Variants in ROBO1 observed in about 807,000 individuals in gnomAD.
ROBO1 encodes roundabout guidance receptor 1, also known as roundabout homolog 1.
In ROBO1, 149 loss-of-function variants were observed where a neutral mutation model predicts 195.9. The observed-to-expected ratio is 0.76, with a 90% CI of 0.67 to 0.87. The LOEUF (loss-of-function observed/expected upper bound fraction) is 0.87, where lower values mean the gene tolerates loss of function less well. Among genes scored for constraint, ROBO1 ranks in the 40% least tolerant of loss-of-function variants. The pLI is 0.00. For synonymous variants in ROBO1, 816 were observed against 733.2 expected, an observed-to-expected ratio of 1.11 and a Z score of -1.82; for missense variants, 1,933 against 2,068.3, an observed-to-expected ratio of 0.93 and a Z score of 1.27.
chr3:78,988,626 A>G (rs919217554), intron 3 of ROBO1, among the ~76,000 whole-genome samples: 1 of 152,178 alleles, frequency 6.6e-6, no homozygotes, highest in African/African-American at 2.4e-5. Context: ...GTTTTAAGCT[A>G]TATCCTTTGG....
chr3:79,092,308 G>C lies in ROBO1; in HGVS notation c.172+33148C>G, dbSNP rs779732397. ...GACGGAGGAACACTCAGAAGAACAG[G>C]CTAATTGAGAAACAGAAGTTCAGAA... On this transcript the variant is annotated intron_variant, in intron 3 of 30. Transcript: ENST00000464233. Among the ~76,000 whole-genome samples the C allele has an allele frequency of 1.9e-4, 29 of 152,046 alleles. 1 individual carries two copies. Among genetic ancestry groups the C allele is most frequent in the Admixed American group, 1.2e-3 (19 of 15,234 alleles).
chr3:78,803,425 T>C (rs1040156990), intron 4 of ROBO1, among the ~76,000 whole-genome samples: 1 of 152,082 alleles, frequency 6.6e-6, no homozygotes, highest in Non-Finnish European at 1.5e-5. Context: ...CAAGTTATAA[T>C]AGAGAACAAT....
At chr3:79,293,862 T>A (rs939499769) in intron 2 of ROBO1, among the ~76,000 whole-genome samples, 1 of 151,088 alleles carries the variant, frequency 6.6e-6, no homozygotes, top group Non-Finnish European at 1.5e-5. Flanking sequence ...ATCGAGACCA[T>A]CCTGGCTAAC....
At position 78,685,726 on chromosome 3, in the gene ROBO1, TA is replaced by T. The variant is rs1330539749; in HGVS notation, c.1342+19del. On this transcript the variant is annotated intron_variant, in intron 10 of 30. Transcript: ENST00000464233. The stretch of plus-strand genomic sequence containing the variant: ...TAAGTCAAACTTGGACATTTTGAAA[TA>T]AAATGTTTTACACTTTACCATCTGT... 3.9e-6 allele frequency: 6 copies of T among 1,545,926 alleles called. No individual in the cohort carries two copies. Among genetic ancestry groups the T allele is most frequent in the Non-Finnish European group, 5.3e-6 (6 of 1,133,056 alleles).
At chr3:79,651,769 C>G (rs1275859675) in intron 1 of ROBO1, among the ~76,000 whole-genome samples, 1 of 152,148 alleles carries the variant, frequency 6.6e-6, no homozygotes, top group Non-Finnish European at 1.5e-5. Flanking sequence ...AAGTATTATA[C>G]TTTCATTCCA....
intron 3 of ROBO1, among the ~76,000 whole-genome samples, chr3:78,947,125 G>T (rs1361410061): frequency 6.6e-6 from 1 of 151,604 alleles, no homozygotes; most frequent in Non-Finnish European, 1.5e-5. Context: ...AAGACAGAAA[G>T]TTAACAAGGA....
chr3:79,655,342 T>C (rs1946128345), intron 1 of ROBO1, among the ~76,000 whole-genome samples: 1 of 152,028 alleles, frequency 6.6e-6, no homozygotes, highest in South Asian at 2.1e-4. Context: ...GGCATACCAC[T>C]GTTAAGCACA....
At chr3:78,757,993 C>T (rs1199124773) in intron 4 of ROBO1, among the ~76,000 whole-genome samples, 1 of 152,106 alleles carries the variant, frequency 6.6e-6, no homozygotes, top group African/African-American at 2.4e-5. Context: ...AACAAGCATG[C>T]GATTGTGTAG....
intron 3 of ROBO1, among the ~76,000 whole-genome samples, chr3:79,073,012 A>G (rs2079114290): frequency 6.6e-6 from 1 of 151,984 alleles, no homozygotes; most frequent in African/African-American, 2.4e-5. Context: ...CTGACAACTG[A>G]TTAGATAATT....
At chr3:78,833,217 T>TG (rs1000072459) in intron 4 of ROBO1, among the ~76,000 whole-genome samples, 5 of 151,260 alleles carry the variant, frequency 3.3e-5, no homozygotes, top group Admixed American at 3.3e-4. Context: ...AAAATAAGGA[T>TG]GAAAAAAAAG....
chr3:78,985,230 G>C (rs2077079655), intron 3 of ROBO1, among the ~76,000 whole-genome samples: 1 of 152,074 alleles, frequency 6.6e-6, no homozygotes, highest in South Asian at 2.1e-4. Context: ...AGCCCAAAAA[G>C]TTGAGGCTGC....
intron 7 of ROBO1, among the ~76,000 whole-genome samples, chr3:78,716,935 A>G (rs2081916514): frequency 6.6e-6 from 1 of 152,146 alleles, no homozygotes; most frequent in South Asian, 2.1e-4. Flanking sequence ...TACATCCTTA[A>G]GGCTGTATCT....
intron 4 of ROBO1, among the ~76,000 whole-genome samples, chr3:78,923,147 C>G (rs1357699837): frequency 6.6e-6 from 1 of 152,124 alleles, no homozygotes; most frequent in African/African-American, 2.4e-5. Context: ...GAGATACTAT[C>G]AGGTCCTTAC....
chr3:79,709,607 A>G (rs6807487), intron 1 of ROBO1, among the ~76,000 whole-genome samples: 37,281 of 152,076 alleles, frequency 0.25, 4,727 homozygotes, highest in Admixed American at 0.29. Context: ...TCAATGGGTC[A>G]GACAACTACT....
rs61022107 is a variant in ROBO1, at chr3:79,680,669, A to G, written c.-51+87083T>C. Reference sequence around the variant, plus strand: ...GCAAAGATGATGACAGTCATATTTAACAAAGTTTACACTTTTTTTCCCAAG... The same window carrying G: ...GCAAAGATGATGACAGTCATATTTAGCAAAGTTTACACTTTTTTTCCCAAG... On this transcript the variant is annotated intron_variant, in intron 1 of 30. Coordinates refer to ENST00000464233, the MANE Select transcript of ROBO1 (RefSeq NM_002941.4). Among the ~76,000 whole-genome samples, 1,271 of 152,178 alleles carry G rather than the reference A, an allele frequency of 8.4e-3. 11 individuals carry two copies. The highest frequency in any genetic ancestry group is 0.029 in the African/African-American group (1,223 of 41,532).
intron 4 of ROBO1, among the ~76,000 whole-genome samples, chr3:78,890,303 AG>A (rs1428993945): frequency 3.3e-5 from 5 of 152,160 alleles, no homozygotes; most frequent in African/African-American, 1.2e-4. Context: ...ATGTGATGGT[AG>A]GTGGAAGTGA....
chr3:79,757,305 CTTAA>C (rs1339706195), intron 1 of ROBO1, among the ~76,000 whole-genome samples: 1 of 152,082 alleles, frequency 6.6e-6, no homozygotes, highest in Non-Finnish European at 1.5e-5. Context: ...TGTTTGAAGT[CTTAA>C]TTAATTCATT....
intron 3 of ROBO1, among the ~76,000 whole-genome samples, chr3:79,089,392 G>C (rs2079435070): frequency 6.6e-6 from 1 of 152,210 alleles, no homozygotes; most frequent in South Asian, 2.1e-4. Flanking sequence ...ATTTTTAATA[G>C]CCGACTAGTC....
intron 4 of ROBO1, among the ~76,000 whole-genome samples, chr3:78,773,778 T>C (rs1430162729): frequency 6.6e-6 from 1 of 152,192 alleles, no homozygotes; most frequent in African/African-American, 2.4e-5. Context: ...AAACTGTATC[T>C]GGTACACAGT....
Sources: gnomAD v4.1 joint callset for allele counts (sites outside exome capture counted in the v4.1 genomes callset) on GRCh38, gnomAD v4.1.1 for gene constraint, MANE v1.5 for transcripts, NCBI Gene and HGNC (gene_info 2026-07-23, HGNC 2026-07-21) for gene names.